Variants in SSBP2 observed in about 807,000 individuals in gnomAD.
The protein encoded by SSBP2 is single-stranded DNA-binding protein 2.
A neutral mutation model predicts 61.8 loss-of-function variants in SSBP2; 17 were observed. The ratio of observed to expected loss-of-function variants is 0.28; its 90% CI spans 0.19 to 0.41. The LOEUF is 0.41. Ranked by LOEUF, SSBP2 falls within the 10% of genes least tolerant of loss-of-function variation. The probability of loss-of-function intolerance (pLI) is 1.00; values close to 1 mark genes in which losing one functional copy is unlikely to be tolerated. For synonymous variants in SSBP2, 139 were observed against 141.3 expected, an observed-to-expected ratio of 0.98 and a Z score of 0.12; for missense variants, 310 against 458.7, an observed-to-expected ratio of 0.68 and a Z score of 2.96.
At chr5:81,746,474 G>C (rs1757355966) in intron 1 of SSBP2, among the ~76,000 whole-genome samples, 1 of 151,968 alleles carries the variant, frequency 6.6e-6, no homozygotes, top group African/African-American at 2.4e-5. Context: ...TATTCCTTCA[G>C]AAAGAAAGAA....
At chr5:81,463,903 G>T (rs1320764997) in intron 9 of SSBP2, among the ~76,000 whole-genome samples, 2 of 151,488 alleles carry the variant, frequency 1.3e-5, no homozygotes, top group Non-Finnish European at 2.9e-5. Flanking sequence ...CAAGAAGCTG[G>T]GATTACAGAC....
At chr5:81,603,505 T>C (rs755472352) in intron 4 of SSBP2, among the ~76,000 whole-genome samples, 13 of 152,168 alleles carry the variant, frequency 8.5e-5, no homozygotes, top group Non-Finnish European at 7.4e-5. Context: ...CTAGATTCAA[T>C]AGACTGGCAT....
At chr5:81,582,637 A>G (rs997741725) in intron 4 of SSBP2, among the ~76,000 whole-genome samples, 5 of 152,178 alleles carry the variant, frequency 3.3e-5, no homozygotes, top group African/African-American at 1.2e-4. Context: ...TGCATCACGC[A>G]GGATGGAGTG....
At chr5:81,603,964 T>C (rs189865965) in intron 4 of SSBP2, among the ~76,000 whole-genome samples, 2 of 152,226 alleles carry the variant, frequency 1.3e-5, no homozygotes, top group Admixed American at 6.5e-5. Context: ...CAAACCATCA[T>C]TGAAAATAAT....
intron 1 of SSBP2, among the ~76,000 whole-genome samples, chr5:81,713,683 G>T (rs28559921): frequency 2.0e-5 from 3 of 152,064 alleles, no homozygotes; most frequent in Non-Finnish European, 4.4e-5. Context: ...CCACTCTTTA[G>T]AACTTTTTTT....
At chr5:81,483,912 C>G (rs924472862) in intron 6 of SSBP2, among the ~76,000 whole-genome samples, 17 of 152,164 alleles carry the variant, frequency 1.1e-4, no homozygotes, top group South Asian at 4.1e-4. Flanking sequence ...GTTCTTCACT[C>G]ACACTAGTCC....
At chr5:81,732,146 AC>A (rs1185198879) in intron 1 of SSBP2, among the ~76,000 whole-genome samples, 2 of 152,144 alleles carry the variant, frequency 1.3e-5, no homozygotes, top group Non-Finnish European at 2.9e-5. Flanking sequence ...TATTTCAGAA[AC>A]TAAAATATGC....
chr5:81,614,359 C>CAAAAAA (rs10659647), intron 4 of SSBP2, among the ~76,000 whole-genome samples: 61 of 73,768 alleles, frequency 8.3e-4, no homozygotes, highest in Admixed American at 1.2e-3. Context: ...GACTCCGTCT[C>CAAAAAA]AAAAAAAAAA....
rs559925332 is a variant in SSBP2 at position 81,658,182 on chromosome 5, T to C, written c.63-7843A>G. On this transcript the variant is annotated intron_variant, in intron 1 of 16. Transcript: ENST00000320672. ...CTCTTGAATGTATTCCTAATCTAAATGAACTTTTGTTATTTTAGACAAACA... is the reference window on the plus strand; with the variant it reads ...CTCTTGAATGTATTCCTAATCTAAACGAACTTTTGTTATTTTAGACAAACA... Among the ~76,000 whole-genome samples, 4 of 152,328 alleles carry C rather than the reference T, an allele frequency of 2.6e-5. No individual in the cohort carries two copies. In the South Asian group the frequency reaches 6.2e-4, roughly 24 times the overall value.
At chr5:81,569,016 C>T (rs1430004724) in intron 4 of SSBP2, among the ~76,000 whole-genome samples, 1 of 152,066 alleles carries the variant, frequency 6.6e-6, no homozygotes, top group African/African-American at 2.4e-5. Flanking sequence ...TCTTCTGAAG[C>T]CCCCTAGAGC....
chr5:81,628,274 C>T (rs1039644162), intron 3 of SSBP2, among the ~76,000 whole-genome samples: 3 of 152,118 alleles, frequency 2.0e-5, no homozygotes, highest in South Asian at 2.1e-4. Context: ...TACAAAACCA[C>T]CAGATTGTGT....
chr5:81,715,772 TG>T (rs1311509311), intron 1 of SSBP2, among the ~76,000 whole-genome samples: 7 of 152,180 alleles, frequency 4.6e-5, no homozygotes, highest in Admixed American at 1.3e-4. Flanking sequence ...ACAAGATAGA[TG>T]GCCAGGTGCA....
At chr5:81,546,417 T>C (rs571225360) in intron 4 of SSBP2, among the ~76,000 whole-genome samples, 267 of 152,184 alleles carry the variant, frequency 1.8e-3, no homozygotes, top group African/African-American at 6.0e-3. Context: ...TAGGTGAAAT[T>C]TGCAAATGTC....
intron 4 of SSBP2, among the ~76,000 whole-genome samples, chr5:81,593,541 A>C (rs1197698382): frequency 6.6e-6 from 1 of 152,262 alleles, no homozygotes; most frequent in Admixed American, 6.5e-5. Flanking sequence ...CATCACTGTC[A>C]GATTCACCAA....
chr5:81,726,589 C>T (rs1423382275), intron 1 of SSBP2, among the ~76,000 whole-genome samples: 1 of 152,162 alleles, frequency 6.6e-6, no homozygotes, highest in African/African-American at 2.4e-5. Flanking sequence ...CACAATGACA[C>T]TGCTCTTAGC....
At chr5:81,483,103 G>A (rs958466443) in intron 6 of SSBP2, among the ~76,000 whole-genome samples, 1 of 152,254 alleles carries the variant, frequency 6.6e-6, no homozygotes, top group Middle Eastern at 3.4e-3. Context: ...TCACTGTCTT[G>A]TATGGGCACG....
chr5:81,545,362 AT>A lies in SSBP2; in HGVS notation c.283-31646del, dbSNP rs577320218. Among the ~76,000 whole-genome samples the A allele has an allele frequency of 8.5e-5, 13 of 152,268 alleles. No individual in the cohort carries two copies. The East Asian group carries it at 1.5e-3, about 18-fold the overall frequency. ...TTGTATTAAGGCACTGAAATTTGGG[AT>A]TTTTTTACAACCACTTTCCTACCTT... is the stretch of plus-strand genomic sequence containing the variant. On this transcript the variant is annotated intron_variant, in intron 4 of 16. Coordinates refer to ENST00000320672, the MANE Select transcript of SSBP2 (RefSeq NM_012446.5).
At chr5:81,487,874 C>A (rs1275155376) in intron 6 of SSBP2, among the ~76,000 whole-genome samples, 2 of 150,798 alleles carry the variant, frequency 1.3e-5, no homozygotes, top group Non-Finnish European at 3.0e-5. Flanking sequence ...ATGAGTTTGA[C>A]CTTTTAAGAG....
intron 1 of SSBP2, among the ~76,000 whole-genome samples, chr5:81,726,091 A>G (rs531386469): frequency 1.3e-5 from 2 of 152,346 alleles, no homozygotes; most frequent in East Asian, 1.9e-4. Flanking sequence ...ACGAACATCT[A>G]TGTAGGCAGA....
Sources: allele counts gnomAD v4.1 joint callset (sites outside exome capture counted in the v4.1 genomes callset), GRCh38; gene constraint gnomAD v4.1.1; transcripts MANE v1.5; gene names NCBI Gene and HGNC (gene_info 2026-07-23, HGNC 2026-07-21).